The following RFX7 variants were observed in gnomAD, a reference collection of about 807,000 sequenced individuals.
RFX7 encodes DNA-binding protein RFX7.
Under a neutral mutation model 111.8 loss-of-function variants are expected in RFX7, and 26 were observed. The ratio of observed to expected loss-of-function variants is 0.23; its 90% CI spans 0.17 to 0.32. The LOEUF is 0.32. Ranked by LOEUF, RFX7 falls within the 10% of genes least tolerant of loss-of-function variation. The pLI, the probability that RFX7 is intolerant of heterozygous loss-of-function variation, is 1.00. For missense variants in RFX7, 1,573 were observed against 1,772.9 expected, an observed-to-expected ratio of 0.89 and a Z score of 2.02; for synonymous variants, 624 against 624.4, an observed-to-expected ratio of 1.00 and a Z score of 0.01.
chr15:56,180,107 T>C (rs1289575697), intron 2 of RFX7, among the ~76,000 whole-genome samples: 1 of 152,224 alleles, frequency 6.6e-6, no homozygotes, highest in Non-Finnish European at 1.5e-5. Flanking sequence ...CTTTAAAAGA[T>C]GTTAAAACCA....
chr15:56,214,444 G>A (rs977597181), intron 2 of RFX7, among the ~76,000 whole-genome samples: 3 of 152,188 alleles, frequency 2.0e-5, no homozygotes, highest in South Asian at 2.1e-4. Flanking sequence ...GGTCAGGCGC[G>A]GTGGCTCACG....
At chr15:56,132,656 G>C (rs1289352967) in intron 5 of RFX7, among the ~76,000 whole-genome samples, 1 of 151,964 alleles carries the variant, frequency 6.6e-6, no homozygotes, top group Non-Finnish European at 1.5e-5. Flanking sequence ...TAATAGTAAT[G>C]TTACAAGCTG....
chr15:56,087,300 C>T lies in RFX7; in HGVS notation c.*6045G>A. On this transcript the variant is annotated 3_prime_UTR_variant, in exon 10 of 10. Transcript: ENST00000559447. ...ATAAATGTGAGTTAAACCAGAAAGACATTTATTTCTCTCATGTAAAACACA... is the reference window on the plus strand; with the variant it reads ...ATAAATGTGAGTTAAACCAGAAAGATATTTATTTCTCTCATGTAAAACACA... The T allele has an allele frequency of 2.7e-6, 1 of 366,938 alleles. No homozygotes were observed. The highest frequency in any genetic ancestry group is 2.0e-5 in the South Asian group (1 of 48,790). The allele number at this position is 366,938 out of a possible 1,614,324, so 22.7% of individuals were successfully genotyped here.
intron 3 of RFX7, among the ~76,000 whole-genome samples, chr15:56,162,617 G>A (rs552872868): frequency 1.7e-4 from 25 of 150,608 alleles, no homozygotes; most frequent in African/African-American, 5.6e-4. Context: ...TGGCAATTTA[G>A]TCCACTCGAG....
intron 5 of RFX7, among the ~76,000 whole-genome samples, chr15:56,125,599 C>G (rs942009605): frequency 5.1e-5 from 6 of 116,790 alleles, no homozygotes; most frequent in Non-Finnish European, 7.1e-5. Flanking sequence ...AGGGTTTCTT[C>G]TGTGTGTGTG....
chr15:56,124,238 C>T (rs1175478489), intron 5 of RFX7, among the ~76,000 whole-genome samples: 1 of 152,016 alleles, frequency 6.6e-6, no homozygotes, highest in Admixed American at 6.6e-5. Flanking sequence ...CTGGCTAACA[C>T]GGTGAAACCC....
At chr15:56,182,831 A>C (rs2042989815) in intron 2 of RFX7, among the ~76,000 whole-genome samples, 1 of 152,148 alleles carries the variant, frequency 6.6e-6, no homozygotes, top group Non-Finnish European at 1.5e-5. Flanking sequence ...ATATACCTGT[A>C]AGAATTTCTC....
chr15:56,216,816 T>C (rs183582769), intron 2 of RFX7, among the ~76,000 whole-genome samples: 5 of 152,282 alleles, frequency 3.3e-5, no homozygotes, highest in African/African-American at 1.2e-4. Flanking sequence ...TTTGTCATGA[T>C]TTCTTCTTTC....
chr15:56,159,807 T>C (rs2141079953), intron 3 of RFX7, among the ~76,000 whole-genome samples: 1 of 152,334 alleles, frequency 6.6e-6, no homozygotes, highest in East Asian at 1.9e-4. Context: ...AAATGTCTTA[T>C]TACCAGAACT....
chr15:56,140,071 T>C (rs1234455960), intron 5 of RFX7, among the ~76,000 whole-genome samples: 6 of 152,066 alleles, frequency 3.9e-5, no homozygotes, highest in Non-Finnish European at 2.9e-5. Flanking sequence ...GTCTTTTTGT[T>C]TGTCTGTGCC....
At position 56,093,325 on chromosome 15, in the gene RFX7, T is replaced by C. The variant is rs370929762; in HGVS notation, c.*20A>G. ...ACATATGTCTTTAGATACAGTGTGC[T>C]ACATGTTATAAAACACAATTTAACC... is the stretch of plus-strand genomic sequence containing the variant. On this transcript the variant is annotated 3_prime_UTR_variant, in exon 10 of 10. Coordinates refer to ENST00000559447, the MANE Select transcript of RFX7 (RefSeq NM_022841.7). 25 of 1,579,566 alleles carry C rather than the reference T, an allele frequency of 1.6e-5. No individual in the cohort carries two copies. The highest frequency in any genetic ancestry group is 2.0e-5 in the Non-Finnish European group (23 of 1,162,524).
intron 2 of RFX7, among the ~76,000 whole-genome samples, chr15:56,179,660 C>G (rs533344262): frequency 2.0e-4 from 30 of 152,058 alleles, no homozygotes; most frequent in African/African-American, 7.2e-4. Context: ...CCACTCTGGA[C>G]AATAATTTGC....
intron 2 of RFX7, among the ~76,000 whole-genome samples, chr15:56,198,162 A>C (rs543119643): frequency 1.3e-5 from 2 of 152,282 alleles, no homozygotes; most frequent in African/African-American, 4.8e-5. Flanking sequence ...CAGAATAGTC[A>C]CTTGGTTTCT....
chr15:56,108,939 T>A (rs1346055019), intron 5 of RFX7, among the ~76,000 whole-genome samples: 1 of 152,128 alleles, frequency 6.6e-6, no homozygotes, highest in African/African-American at 2.4e-5. Context: ...GAACTCCCAA[T>A]CACAACTGCT....
Position 56,155,102 on chromosome 15 carries a change from C to T in RFX7, c.196-10619G>A, listed in dbSNP as rs550116667. 5.3e-5 allele frequency among the ~76,000 whole-genome samples: 8 copies of T among 152,132 alleles called. No individual in the cohort carries two copies. The South Asian group carries it at 6.2e-4, about 12-fold the overall frequency. The stretch of plus-strand genomic sequence containing the variant: ...TACCATCTCACGGCAGTTAGAATGG[C>T]GATCATTAAAAAGTCAGGAAACAAC... On this transcript the variant is annotated intron_variant, in intron 3 of 9. Transcript: ENST00000559447.
intron 2 of RFX7, among the ~76,000 whole-genome samples, chr15:56,183,039 T>A (rs1302949950): frequency 1.3e-5 from 2 of 152,122 alleles, no homozygotes; most frequent in Non-Finnish European, 2.9e-5. Context: ...TACTAAAAAG[T>A]TACTATTCCA....
intron 2 of RFX7, among the ~76,000 whole-genome samples, chr15:56,233,720 C>T (rs1235432754): frequency 1.3e-5 from 2 of 152,124 alleles, no homozygotes; most frequent in Non-Finnish European, 2.9e-5. Context: ...GGTACTAAGG[C>T]ATAGAAAAAT....
intron 5 of RFX7, among the ~76,000 whole-genome samples, chr15:56,107,113 C>T (rs1018042459): frequency 2.6e-5 from 4 of 151,806 alleles, no homozygotes; most frequent in Admixed American, 6.6e-5. Flanking sequence ...CTGGCTAACA[C>T]GGTGAAACCC....
chr15:56,193,445 T>G lies in RFX7; in HGVS notation c.162-14142A>C, dbSNP rs564348264. 9.2e-5 allele frequency among the ~76,000 whole-genome samples: 14 copies of G among 152,352 alleles called. No homozygotes were observed. In the East Asian group the frequency reaches 2.7e-3, roughly 29 times the overall value. ...TGTATGCTCAACATTAATATTTTTC[T>G]AATTTTTTAAATTGATGATTGTTGA... On this transcript the variant is annotated intron_variant, in intron 2 of 9. Transcript: ENST00000559447.
Sources: allele counts gnomAD v4.1 joint callset (sites outside exome capture counted in the v4.1 genomes callset), GRCh38; gene constraint gnomAD v4.1.1; transcripts MANE v1.5; gene names NCBI Gene and HGNC (gene_info 2026-07-23, HGNC 2026-07-21).